PRH1: variants seen among roughly 807,000 people sequenced by gnomAD.
PRH1 encodes proline rich protein HaeIII subfamily 1, also known as salivary acidic proline-rich phosphoprotein 1/2.
PRH1 carries 7 observed loss-of-function variants against 7.9 expected under a neutral mutation model. That is an observed-to-expected ratio of 0.89 (90% CI 0.50 to 1.67). The LOEUF (loss-of-function observed/expected upper bound fraction) is 1.67. Among genes scored for constraint, PRH1 ranks in the 40% most tolerant of loss-of-function variants. The pLI, the probability that PRH1 is intolerant of heterozygous loss-of-function variation, is 0.00. For missense variants in PRH1, 109 were observed against 223.6 expected (o/e 0.49, Z 3.27); for synonymous variants, 45 against 80.8 (o/e 0.56, Z 2.38).
intron 1 of PRH1, among the ~76,000 whole-genome samples, chr12:11,023,558 T>C (rs1343028997): frequency 6.6e-6 from 1 of 152,214 alleles, no homozygotes; most frequent in Non-Finnish European, 1.5e-5. Flanking sequence ...TACCTTGACC[T>C]TGGACTCTGA....
At chr12:10,901,789 T>G (rs1949727882) in intron 2 of PRH1, among the ~76,000 whole-genome samples, 1 of 146,832 alleles carries the variant, frequency 6.8e-6, no homozygotes, top group Admixed American at 7.0e-5. Context: ...AAGTCATACC[T>G]CCTAAGGAGG....
Position 11,091,367 on chromosome 12 carries a change from T to C in PRH1, n.124-44179A>G, listed in dbSNP as rs370012869. 22 of 1,340,606 alleles carry C rather than the reference T, an allele frequency of 1.6e-5. 5 individuals carry two copies. The African/African-American group carries it at 2.9e-4, about 18-fold the overall frequency. The allele number at this position is 1,340,606 out of a possible 1,614,324, so 83.0% of individuals were successfully genotyped here. A position where few individuals can be genotyped will look rare whatever the true frequency, so the allele number is the denominator to read the frequency against. On this transcript the variant is annotated intron_variant and non_coding_transcript_variant, in intron 1 of 4. Transcript: ENST00000541977. Reference sequence around the variant, plus strand: ...TTGCCAAAAAACTGAAAGAAAAGTCTGCTTTAGCTTCTTGTTTCCCCAAAT... The same window carrying C: ...TTGCCAAAAAACTGAAAGAAAAGTCCGCTTTAGCTTCTTGTTTCCCCAAAT...
chr12:10,910,426 G>C (rs371607228), intron 2 of PRH1, among the ~76,000 whole-genome samples: 1 of 151,964 alleles, frequency 6.6e-6, no homozygotes, highest in Admixed American at 6.6e-5. Flanking sequence ...GTTTGAGACC[G>C]GCCTGGGCAA....
intron 1 of PRH1, among the ~76,000 whole-genome samples, chr12:11,066,729 G>A (rs184218963): frequency 6.6e-6 from 1 of 151,602 alleles, no homozygotes; most frequent in African/African-American, 2.4e-5. Flanking sequence ...TTAAGTACTG[G>A]AGTTCAGGGT....
At chr12:10,930,432 G>C in intron 2 of PRH1, 2 of 1,469,604 alleles carry the variant, frequency 1.4e-6, no homozygotes, top group South Asian at 2.4e-5. Context: ...GATATAAACA[G>C]TTTTCTCCCA....
At chr12:10,990,795 TGAGGGTAGAACCAACAA>T (rs1036071647) in intron 1 of PRH1, among the ~76,000 whole-genome samples, 1 of 152,168 alleles carries the variant, frequency 6.6e-6, no homozygotes, top group African/African-American at 2.4e-5. Context: ...TGTATGTTTT[TGAGGGTAGAACCAACAA>T]GAGGGTAGAA....
intron 1 of PRH1, among the ~76,000 whole-genome samples, chr12:10,974,105 T>C (rs1565512828): frequency 6.6e-6 from 1 of 152,206 alleles, no homozygotes; most frequent in Non-Finnish European, 1.5e-5. Context: ...AGTAACAACA[T>C]TTATTATCAG....
intron 2 of PRH1, chr12:10,909,051 C>T: frequency 6.2e-7 from 1 of 1,613,626 alleles, no homozygotes; most frequent in South Asian, 1.1e-5. Context: ...AATCATAATT[C>T]TTAATCCTGT....
chr12:11,039,133 G>C (rs1437322075), intron 1 of PRH1, among the ~76,000 whole-genome samples: 2 of 152,204 alleles, frequency 1.3e-5, no homozygotes, highest in Non-Finnish European at 2.9e-5. Context: ...GTGTCCATGG[G>C]AAAATATAAA....
At chr12:11,056,238 G>A (rs73053033) in intron 1 of PRH1, among the ~76,000 whole-genome samples, 7,483 of 90,602 alleles carry the variant, frequency 0.083, no homozygotes, top group Non-Finnish European at 0.12. Flanking sequence ...TATTCCTTGG[G>A]CACTTAAAAA....
At position 11,062,041 on chromosome 12, in the gene PRH1, T is replaced by C. The variant is rs191209206; in HGVS notation, n.124-14853A>G. The C allele has an allele frequency of 7.4e-6, 12 of 1,612,664 alleles. No homozygotes were observed. The South Asian group carries it at 1.3e-4, about 18-fold the overall frequency. On this transcript the variant is annotated intron_variant and non_coding_transcript_variant, in intron 1 of 4. Transcript: ENST00000541977. ...ATGGTTGATTACTGCCCAGACATTG[T>C]AAGCAGTAATTCTTACTTCTATACT...
intron 1 of PRH1, among the ~76,000 whole-genome samples, chr12:10,992,232 G>A (rs1197778494): frequency 6.6e-6 from 1 of 152,098 alleles, no homozygotes; most frequent in African/African-American, 2.4e-5. Flanking sequence ...CCTTTCTCAA[G>A]CACCTGTAGC....
At chr12:11,068,233 TATG>T (rs1943910026) in intron 1 of PRH1, among the ~76,000 whole-genome samples, 1 of 152,224 alleles carries the variant, frequency 6.6e-6, no homozygotes, top group African/African-American at 2.4e-5. Flanking sequence ...TCCCAATTGT[TATG>T]ATGATCACTC....
At chr12:11,125,652 A>G (rs1468886468) in intron 1 of PRH1, among the ~76,000 whole-genome samples, 1 of 152,282 alleles carries the variant, frequency 6.6e-6, no homozygotes, top group Non-Finnish European at 1.5e-5. Flanking sequence ...TATGTGTATT[A>G]TTATTTCATT....
intron 1 of PRH1, among the ~76,000 whole-genome samples, chr12:11,089,722 A>C (rs1341729851): frequency 1.7e-5 from 2 of 119,924 alleles, no homozygotes; most frequent in African/African-American, 5.6e-5. Context: ...AAAATATCAT[A>C]ATACAAATAT....
chr12:10,969,240 C>T (rs1008096806), intron 2 of PRH1, among the ~76,000 whole-genome samples: 1 of 152,176 alleles, frequency 6.6e-6, no homozygotes, highest in African/African-American at 2.4e-5. Flanking sequence ...TTCTCTCCAA[C>T]GTCCCACCAT....
At chr12:11,122,786 AT>A (rs1361023638) in intron 1 of PRH1, among the ~76,000 whole-genome samples, 1 of 151,796 alleles carries the variant, frequency 6.6e-6, no homozygotes, top group Non-Finnish European at 1.5e-5. Context: ...CTAATTAATA[AT>A]TTTTATAACT....
At chr12:11,163,327 C>G (rs900806969) in intron 1 of PRH1, among the ~76,000 whole-genome samples, 1 of 151,452 alleles carries the variant, frequency 6.6e-6, no homozygotes, top group Non-Finnish European at 1.5e-5. Context: ...TAAATAATCA[C>G]TAAAAATTAA....
chr12:11,143,448 A>G, intron 1 of PRH1, among the ~76,000 whole-genome samples: 1 of 152,214 alleles, frequency 6.6e-6, no homozygotes, highest in Admixed American at 6.5e-5. Flanking sequence ...AAGGAAAGAA[A>G]GAAGAGCAGA....
Sources: gnomAD v4.1 joint callset for allele counts (sites outside exome capture counted in the v4.1 genomes callset) on GRCh38, gnomAD v4.1.1 for gene constraint, MANE v1.5 for transcripts, NCBI Gene and HGNC (gene_info 2026-07-23, HGNC 2026-07-21) for gene names.